The following SULT2B1 variants were observed in gnomAD, a reference collection of about 807,000 sequenced individuals.
SULT2B1 encodes the protein sulfotransferase 2B1.
Under a neutral mutation model 33.2 loss-of-function variants are expected in SULT2B1, and 16 were observed. The ratio of observed to expected loss-of-function variants is 0.48; its 90% CI spans 0.33 to 0.73. The LOEUF (loss-of-function observed/expected upper bound fraction) is 0.73. SULT2B1 is among the 30% of genes least tolerant of loss of function. The pLI is 0.02. For missense variants in SULT2B1, 500 were observed against 506.0 expected (o/e 0.99, Z 0.11); for synonymous variants, 186 against 200.5 (o/e 0.93, Z 0.61).
In SULT2B1 at chr19:48,579,605, C is replaced by CTT. The variant is rs149157128; in HGVS notation, c.214+3539_214+3540dup. On this transcript the variant is annotated intron_variant, in intron 2 of 6. Transcript: ENST00000201586. ...CCTTTTTCTTTTCTTTTCTTTCTTT[C>CTT]TTTTTTTTTTTTTTTTTTGAGACGA... Among the ~76,000 whole-genome samples the CTT allele has an allele frequency of 5.3e-3, 420 of 79,750 alleles. 12 individuals are homozygous for CTT. The highest frequency in any genetic ancestry group is 0.018 in the African/African-American group (353 of 19,982). The allele number at this position is 79,750 out of a possible 152,430, so 52.3% of individuals were successfully genotyped here. A position where few individuals can be genotyped will look rare whatever the true frequency, so the allele number is the denominator to read the frequency against.
At chr19:48,595,791 C>G (rs979605877) in intron 5 of SULT2B1, 3 of 151,828 alleles carry the variant, frequency 2.0e-5, no homozygotes, top group African/African-American at 7.3e-5. Flanking sequence ...CTCAGTCTCC[C>G]GAGCACCTGG....
intron 1 of SULT2B1, among the ~76,000 whole-genome samples, chr19:48,554,014 C>T (rs968789233): frequency 6.6e-6 from 1 of 152,078 alleles, no homozygotes; most frequent in Non-Finnish European, 1.5e-5. Flanking sequence ...GGTCATAAAA[C>T]GCCCTGAGTG....
Position 48,596,837 on chromosome 19 carries a change from C to T in SULT2B1, c.744C>T (p.Ala248=), listed in dbSNP as rs756303048. The part of the protein sequence containing the change: ...GSVVAHSTFS[A]MKANTMSNYT... ...TCGTGGCACACTCAACCTTCAGCGC[C>T]ATGAAGGCCAACACCATGTCCAACT... Residue 248 remains alanine, a synonymous_variant, in exon 6 of 7, where the codon GCC becomes GCT. Transcript: ENST00000201586. 8.1e-6 allele frequency: 13 copies of T among 1,609,712 alleles called. No homozygotes were observed. In the Admixed American group the frequency reaches 1.5e-4, roughly 19 times the overall value.
chr19:48,558,441 G>C (rs552416554), intron 1 of SULT2B1, among the ~76,000 whole-genome samples: 22 of 152,218 alleles, frequency 1.4e-4, no homozygotes, highest in Non-Finnish European at 2.9e-4. Context: ...GACCTGGGGC[G>C]CCTCGGGCAG....
chr19:48,580,971 T>C (rs1973478173), intron 2 of SULT2B1, among the ~76,000 whole-genome samples: 1 of 149,292 alleles, frequency 6.7e-6, no homozygotes, highest in Non-Finnish European at 1.5e-5. Context: ...TGCATTTCCC[T>C]AACAGCTAAT....
intron 1 of SULT2B1, among the ~76,000 whole-genome samples, chr19:48,575,100 C>CTTTTTTTTTTT: frequency 1.2e-5 from 1 of 81,430 alleles, no homozygotes; most frequent in Non-Finnish European, 2.2e-5. Context: ...CTGTTTTAAC[C>CTTTTTTTTTTT]TTTTTTTTTT....
chr19:48,588,386 C>T (rs1040331512), intron 3 of SULT2B1, among the ~76,000 whole-genome samples: 1 of 151,560 alleles, frequency 6.6e-6, no homozygotes, highest in Non-Finnish European at 1.5e-5. Context: ...GTGGCACATG[C>T]CTGTAATCCC....
intron 1 of SULT2B1, among the ~76,000 whole-genome samples, chr19:48,557,279 C>T (rs1377206611): frequency 6.6e-6 from 1 of 151,990 alleles, no homozygotes; most frequent in East Asian, 1.9e-4. Context: ...GTGGCTCATG[C>T]CTGTAATCCC....
chr19:48,562,269 T>C (rs547488179), intron 1 of SULT2B1, among the ~76,000 whole-genome samples: 26 of 152,122 alleles, frequency 1.7e-4, no homozygotes, highest in African/African-American at 5.1e-4. Flanking sequence ...ATGCCTGTAA[T>C]CCCAGCTACT....
chr19:48,577,350 G>GTGTTT, intron 2 of SULT2B1, among the ~76,000 whole-genome samples: 1 of 42,756 alleles, frequency 2.3e-5, no homozygotes, highest in African/African-American at 8.4e-5. Flanking sequence ...CCACTGAGCC[G>GTGTTT]TCTTTTTTTT....
intron 2 of SULT2B1, among the ~76,000 whole-genome samples, chr19:48,578,809 G>C (rs1302520934): frequency 2.0e-5 from 3 of 152,100 alleles, no homozygotes; most frequent in African/African-American, 7.2e-5. Context: ...CCGGGGGGTA[G>C]AGGTTGCAGT....
At chr19:48,581,551 A>G (rs1353727440) in intron 2 of SULT2B1, among the ~76,000 whole-genome samples, 3 of 131,954 alleles carry the variant, frequency 2.3e-5, no homozygotes, top group African/African-American at 8.8e-5. Context: ...GCTGCCTCCC[A>G]GGTTCACGCC....
chr19:48,588,176 C>T (rs1438586138), intron 3 of SULT2B1, among the ~76,000 whole-genome samples: 3 of 147,282 alleles, frequency 2.0e-5, no homozygotes, highest in Non-Finnish European at 4.4e-5. Flanking sequence ...CACCACTGCA[C>T]TCCAGCCTGG....
At chr19:48,598,029 A>G (rs577294771) in intron 6 of SULT2B1, among the ~76,000 whole-genome samples, 8 of 152,178 alleles carry the variant, frequency 5.3e-5, no homozygotes, top group African/African-American at 1.9e-4. Context: ...TCCTCTCCCC[A>G]TCTCCAGATC....
chr19:48,590,179 G>T (rs1008763777), intron 3 of SULT2B1, among the ~76,000 whole-genome samples: 11 of 151,908 alleles, frequency 7.2e-5, no homozygotes, highest in Non-Finnish European at 1.6e-4. Context: ...AGTAGAGACG[G>T]GGTTTCACCA....
At chr19:48,569,463 T>C (rs1409217038) in intron 1 of SULT2B1, among the ~76,000 whole-genome samples, 6 of 147,292 alleles carry the variant, frequency 4.1e-5, no homozygotes, top group Non-Finnish European at 7.5e-5. Context: ...CATCTATCTG[T>C]AATCCCAGCA....
chr19:48,591,818 A>C (rs971195074), intron 4 of SULT2B1, 83 bp downstream of exon 4: 1 of 1,433,672 alleles, frequency 7.0e-7, no homozygotes, highest in African/African-American at 1.4e-5. Flanking sequence ...AGGAGGGGTA[A>C]GAAAGGGAGA....
chr19:48,569,363 CATATATATATAT>C (rs1159840741), intron 1 of SULT2B1, among the ~76,000 whole-genome samples: 16 of 33,278 alleles, frequency 4.8e-4, no homozygotes, highest in East Asian at 4.0e-3. Context: ...AAAAAAAAAA[CATATATATATAT>C]ATATATATAT....
Position 48,591,738 on chromosome 19 carries a change from G to T in SULT2B1, c.550+3G>T, listed in dbSNP as rs370301033. 6.3e-7 allele frequency: 1 copy of T among 1,586,422 alleles called. No homozygotes were observed. The highest frequency in any genetic ancestry group is 1.3e-5 in the African/African-American group (1 of 74,592). ...GAGGGACTTCCTCAAAGGCGAAGGT[G>T]GGGACAGGGTAAAGCGGGGCAGGAG... is the stretch of plus-strand genomic sequence containing the variant. On this transcript the variant is annotated splice_donor_region_variant and intron_variant, in intron 4 of 6. Transcript: ENST00000201586.
Sources: gnomAD v4.1 joint callset for allele counts (sites outside exome capture counted in the v4.1 genomes callset) on GRCh38, gnomAD v4.1.1 for gene constraint, MANE v1.5 for transcripts, NCBI Gene and HGNC (gene_info 2026-07-23, HGNC 2026-07-21) for gene names.